Variants in NRXN1 observed in about 807,000 individuals in gnomAD.
NRXN1 encodes the protein neurexin 1.
NRXN1 carries 39 observed loss-of-function variants against 150.9 expected under a neutral mutation model. The observed-to-expected ratio is 0.26, with a 90% CI of 0.20 to 0.34. NRXN1 has a LOEUF of 0.34. Among genes scored for constraint, NRXN1 ranks in the 10% least tolerant of loss-of-function variants. The probability of loss-of-function intolerance (pLI) is 1.00; values close to 1 mark genes in which losing one functional copy is unlikely to be tolerated. For synonymous variants in NRXN1, 924 were observed against 757.0 expected (o/e 1.22, Z -3.62); for missense variants, 1,815 against 1,949.9 (o/e 0.93, Z 1.30).
intron 18 of NRXN1, among the ~76,000 whole-genome samples, chr2:50,107,148 A>C (rs1701760777): frequency 6.6e-6 from 1 of 151,968 alleles, no homozygotes; most frequent in Non-Finnish European, 1.5e-5. Flanking sequence ...TTCCACATAC[A>C]GATTAGCTGA....
chr2:50,170,151 A>T (rs2059939840), intron 18 of NRXN1, among the ~76,000 whole-genome samples: 1 of 152,058 alleles, frequency 6.6e-6, no homozygotes, highest in Admixed American at 6.6e-5. Context: ...TCACACACAC[A>T]CACACACACA....
At chr2:50,612,170 A>G (rs1678261588) in intron 8 of NRXN1, among the ~76,000 whole-genome samples, 1 of 152,126 alleles carries the variant, frequency 6.6e-6, no homozygotes, top group Admixed American at 6.6e-5. Context: ...CCCCTAGGTC[A>G]GTTACTTCAC....
chr2:50,965,840 A>G (rs1412326259), intron 2 of NRXN1, among the ~76,000 whole-genome samples: 1 of 151,606 alleles, frequency 6.6e-6, no homozygotes, highest in African/African-American at 2.4e-5. Flanking sequence ...GTTAAAATTG[A>G]CCCTAGTGTT....
chr2:50,800,978 G>A (rs901748934), intron 5 of NRXN1, among the ~76,000 whole-genome samples: 4 of 151,990 alleles, frequency 2.6e-5, no homozygotes, highest in African/African-American at 4.8e-5. Context: ...TCTAATGTAC[G>A]CAAGCATAAC....
Position 49,983,069 on chromosome 2 carries a change from A to G in NRXN1, c.4129-39278T>C, listed in dbSNP as rs376650860. Among the ~76,000 whole-genome samples the G allele has an allele frequency of 7.9e-5, 12 of 152,276 alleles. No individual in the cohort carries two copies. The East Asian group carries it at 9.6e-4, about 12-fold the overall frequency. On this transcript the variant is annotated intron_variant, in intron 21 of 22. Transcript: ENST00000401669. ...TTGTTTTGTACTAAGCTCAAATGCT[A>G]TTCTTTCTTGCAGCCTTTCCAAATC...
chr2:50,519,244 T>G (rs980219285), intron 12 of NRXN1, among the ~76,000 whole-genome samples: 3 of 151,980 alleles, frequency 2.0e-5, no homozygotes, highest in Admixed American at 6.6e-5. Context: ...AAACCCTTCT[T>G]TATTTGAATT....
At chr2:50,672,309 G>A (rs1375386576) in intron 5 of NRXN1, among the ~76,000 whole-genome samples, 1 of 150,692 alleles carries the variant, frequency 6.6e-6, no homozygotes, top group Non-Finnish European at 1.5e-5. Flanking sequence ...AAAATTTCTT[G>A]TGAATTGTTT....
At chr2:49,962,405 TTCAAG>T (rs1676128173) in intron 21 of NRXN1, among the ~76,000 whole-genome samples, 1 of 152,234 alleles carries the variant, frequency 6.6e-6, no homozygotes, top group Non-Finnish European at 1.5e-5. Flanking sequence ...GTTTTGTTGC[TTCAAG>T]TCTTTTATCT....
At chr2:50,603,680 A>G (rs375675486) in intron 8 of NRXN1, among the ~76,000 whole-genome samples, 1 of 152,142 alleles carries the variant, frequency 6.6e-6, no homozygotes, top group East Asian at 1.9e-4. Context: ...AAATTTATAT[A>G]AAAATGTTTT....
intron 17 of NRXN1, among the ~76,000 whole-genome samples, chr2:50,407,593 G>T (rs993120704): frequency 6.6e-6 from 1 of 152,066 alleles, no homozygotes; most frequent in African/African-American, 2.4e-5. Flanking sequence ...TCCCCTCATG[G>T]ATGTGTTAAT....
At position 49,923,635 on chromosome 2, in the gene NRXN1, C is replaced by A. The variant is rs558610723; in HGVS notation, c.4217-1384G>T. ...TTTCTGCAAAAGTTCTTGTTAATTA[C>A]TGGGAATCATTTTACCAAACATATG... On this transcript the variant is annotated intron_variant, in intron 22 of 22. Transcript: ENST00000401669. 2.6e-5 allele frequency among the ~76,000 whole-genome samples: 4 copies of A among 152,086 alleles called. No individual in the cohort carries two copies. In the South Asian group the frequency reaches 8.3e-4, roughly 31 times the overall value.
chr2:50,865,658 G>GTTGTT (rs1676795637), intron 5 of NRXN1, among the ~76,000 whole-genome samples: 7 of 41,832 alleles, frequency 1.7e-4, no homozygotes, highest in Admixed American at 1.6e-3. Context: ...GCATTTGAAA[G>GTTGTT]TTTTTTTTTT....
chr2:50,461,931 G>A (rs1291740467), intron 17 of NRXN1, among the ~76,000 whole-genome samples: 1 of 151,928 alleles, frequency 6.6e-6, no homozygotes, highest in African/African-American at 2.4e-5. Context: ...AAATTGGAAA[G>A]TGTAATGTTG....
At chr2:50,036,596 T>C (rs1178049948) in intron 21 of NRXN1, among the ~76,000 whole-genome samples, 2 of 152,180 alleles carry the variant, frequency 1.3e-5, no homozygotes, top group Non-Finnish European at 2.9e-5. Flanking sequence ...AGAGCAGAAA[T>C]GATAATACAG....
intron 16 of NRXN1, among the ~76,000 whole-genome samples, chr2:50,467,466 A>C (rs919607028): frequency 1.3e-5 from 2 of 151,668 alleles, no homozygotes; most frequent in East Asian, 1.9e-4. Flanking sequence ...TGAATAAATT[A>C]GAATTTTCTG....
chr2:50,575,339 A>C (rs1671272208), intron 8 of NRXN1, among the ~76,000 whole-genome samples: 1 of 152,176 alleles, frequency 6.6e-6, no homozygotes, highest in South Asian at 2.1e-4. Context: ...TGTGGGCATA[A>C]GCCCTGGTGC....
intron 2 of NRXN1, among the ~76,000 whole-genome samples, chr2:50,974,538 T>C (rs553439222): frequency 3.5e-4 from 54 of 152,160 alleles, no homozygotes; most frequent in Non-Finnish European, 6.6e-4. Flanking sequence ...TGGAGCTTTT[T>C]CTTCACTCTA....
chr2:50,546,745 T>C (rs2093502717), intron 9 of NRXN1, among the ~76,000 whole-genome samples: 1 of 152,204 alleles, frequency 6.6e-6, no homozygotes, highest in Non-Finnish European at 1.5e-5. Flanking sequence ...TCTGGTCATA[T>C]GATCAAAGAA....
At chr2:50,838,384 A>C (rs1037782985) in intron 5 of NRXN1, among the ~76,000 whole-genome samples, 11 of 152,118 alleles carry the variant, frequency 7.2e-5, no homozygotes. Context: ...TAATGTTTTA[A>C]ATTTATCATT....
Sources: gnomAD v4.1 joint callset for allele counts (sites outside exome capture counted in the v4.1 genomes callset) on GRCh38, gnomAD v4.1.1 for gene constraint, MANE v1.5 for transcripts, NCBI Gene and HGNC (gene_info 2026-07-23, HGNC 2026-07-21) for gene names.